Variants in NRXN3 observed in about 807,000 individuals in gnomAD.
The protein encoded by NRXN3 is neurexin III.
Under a neutral mutation model 137.6 loss-of-function variants are expected in NRXN3, and 32 were observed. The observed-to-expected ratio is 0.23, with a 90% CI of 0.18 to 0.31. NRXN3 has a LOEUF of 0.31. Ranked by LOEUF, NRXN3 falls within the 10% of genes least tolerant of loss-of-function variation. The pLI, the probability that NRXN3 is intolerant of heterozygous loss-of-function variation, is 1.00. For synonymous variants in NRXN3, 798 were observed against 784.5 expected, an observed-to-expected ratio of 1.02 and a Z score of -0.29; for missense variants, 1,574 against 2,062.5, an observed-to-expected ratio of 0.76 and a Z score of 4.59.
intron 8 of NRXN3, among the ~76,000 whole-genome samples, chr14:78,757,344 A>C (rs1482449980): frequency 6.6e-6 from 1 of 150,930 alleles, no homozygotes; most frequent in Non-Finnish European, 1.5e-5. Context: ...TGGGAGGCAG[A>C]GGTTGCAGTG....
chr14:78,367,452 G>A (rs1194491152), intron 4 of NRXN3, among the ~76,000 whole-genome samples: 2 of 152,200 alleles, frequency 1.3e-5, no homozygotes, highest in Non-Finnish European at 2.9e-5. Context: ...ACAGTGGTCT[G>A]ATAGTGACCT....
intron 10 of NRXN3, among the ~76,000 whole-genome samples, chr14:78,894,587 A>G (rs1241769536): frequency 1.3e-5 from 2 of 151,928 alleles, no homozygotes; most frequent in African/African-American, 4.8e-5. Flanking sequence ...TAATGTTGAT[A>G]TTTCAAACTT....
chr14:79,535,723 C>T (rs573630455), intron 16 of NRXN3, among the ~76,000 whole-genome samples: 12 of 152,078 alleles, frequency 7.9e-5, no homozygotes, highest in East Asian at 3.9e-4. Context: ...CTGAAGCTCA[C>T]GGAGGTAAAA....
At chr14:78,500,868 A>G (rs1279464790) in intron 4 of NRXN3, among the ~76,000 whole-genome samples, 4 of 152,200 alleles carry the variant, frequency 2.6e-5, no homozygotes, top group African/African-American at 7.2e-5. Context: ...GGGTTACAAT[A>G]AGATACAGTC....
intron 4 of NRXN3, among the ~76,000 whole-genome samples, chr14:78,346,746 CAT>C (rs2082792555): frequency 6.6e-6 from 1 of 152,182 alleles, no homozygotes. Flanking sequence ...TGCCACAGGA[CAT>C]GTGGTTGAGA....
chr14:79,339,356 G>A (rs1465780901), intron 15 of NRXN3, among the ~76,000 whole-genome samples: 1 of 152,186 alleles, frequency 6.6e-6, no homozygotes, highest in Admixed American at 6.5e-5. Context: ...AGAATCCCCA[G>A]GAGGGCTTGT....
intron 7 of NRXN3, among the ~76,000 whole-genome samples, chr14:78,712,514 C>T (rs2098413973): frequency 6.6e-6 from 1 of 152,172 alleles, no homozygotes; most frequent in Non-Finnish European, 1.5e-5. Context: ...TATGCTTCTA[C>T]TCTTGTGTTG....
At chr14:78,757,139 G>C (rs557869810) in intron 8 of NRXN3, among the ~76,000 whole-genome samples, 19 of 152,254 alleles carry the variant, frequency 1.2e-4, no homozygotes, top group African/African-American at 4.6e-4. Flanking sequence ...GGAGCACAGT[G>C]CCTCACGCCT....
chr14:79,016,252 T>C (rs2099579056), intron 15 of NRXN3, among the ~76,000 whole-genome samples: 1 of 146,326 alleles, frequency 6.8e-6, no homozygotes, highest in South Asian at 2.2e-4. Flanking sequence ...TGGGCCATCC[T>C]TTTCTACACT....
intron 15 of NRXN3, among the ~76,000 whole-genome samples, chr14:79,452,340 G>C (rs1038697118): frequency 1.3e-5 from 2 of 152,102 alleles, no homozygotes; most frequent in Non-Finnish European, 2.9e-5. Flanking sequence ...AAAGAGACTG[G>C]TGTGTCTGAA....
At chr14:79,011,382 CA>C (rs2099570858) in intron 15 of NRXN3, among the ~76,000 whole-genome samples, 1 of 108,328 alleles carries the variant, frequency 9.2e-6, no homozygotes, top group Non-Finnish European at 1.9e-5. Context: ...CACCTCCCCC[CA>C]ACCCACCTCC....
At chr14:79,048,148 T>C (rs1404832262) in intron 15 of NRXN3, among the ~76,000 whole-genome samples, 1 of 152,184 alleles carries the variant, frequency 6.6e-6, no homozygotes, top group Non-Finnish European at 1.5e-5. Flanking sequence ...TATATTTTTG[T>C]GGAGAGAAAG....
intron 15 of NRXN3, among the ~76,000 whole-genome samples, chr14:79,134,413 T>A (rs189954366): frequency 4.6e-5 from 7 of 152,314 alleles, no homozygotes; most frequent in Non-Finnish European, 8.8e-5. Flanking sequence ...TCTAAATATA[T>A]CCTTAGTTCT....
chr14:79,243,576 G>A (rs888274633), intron 15 of NRXN3, among the ~76,000 whole-genome samples: 1 of 152,104 alleles, frequency 6.6e-6, no homozygotes, highest in African/African-American at 2.4e-5. Context: ...GTGTCCTTAA[G>A]TGATTTTGTA....
At chr14:79,030,285 A>G (rs992306700) in intron 15 of NRXN3, among the ~76,000 whole-genome samples, 4 of 151,938 alleles carry the variant, frequency 2.6e-5, no homozygotes, top group Non-Finnish European at 5.9e-5. Context: ...ACATTGCCAA[A>G]TGTCTTTTGG....
intron 4 of NRXN3, among the ~76,000 whole-genome samples, chr14:78,604,449 C>T (rs1195939406): frequency 1.3e-5 from 2 of 152,106 alleles, no homozygotes; most frequent in African/African-American, 2.4e-5. Flanking sequence ...AAAAGAACCT[C>T]CTAACCAAGG....
chr14:79,741,451 A>ATGTG (rs113579838), intron 19 of NRXN3, among the ~76,000 whole-genome samples: 34 of 150,020 alleles, frequency 2.3e-4, no homozygotes, highest in African/African-American at 4.4e-4. Flanking sequence ...AAGTTGAAAT[A>ATGTG]TGTGTGTGTG....
chr14:78,664,805 A>C (rs1038494883), intron 6 of NRXN3, among the ~76,000 whole-genome samples: 3 of 152,202 alleles, frequency 2.0e-5, no homozygotes, highest in Non-Finnish European at 4.4e-5. Flanking sequence ...ACAAAGATTT[A>C]TGTAGATTGC....
At chr14:79,133,551 A>G (rs1399609135) in intron 15 of NRXN3, among the ~76,000 whole-genome samples, 9 of 152,164 alleles carry the variant, frequency 5.9e-5, no homozygotes, top group African/African-American at 1.7e-4. Flanking sequence ...GTAAAGGTAC[A>G]TATATGTGTA....
Sources: gnomAD v4.1 joint callset for allele counts (sites outside exome capture counted in the v4.1 genomes callset) on GRCh38, gnomAD v4.1.1 for gene constraint, MANE v1.5 for transcripts, NCBI Gene and HGNC (gene_info 2026-07-23, HGNC 2026-07-21) for gene names.